Variants in LINGO1 observed in about 807,000 individuals in gnomAD.
The protein encoded by LINGO1 is leucine-rich repeat and immunoglobulin-like domain-containing nogo receptor-interacting protein 1.
In LINGO1, 11 loss-of-function variants were observed where a neutral mutation model predicts 37.3. The observed-to-expected ratio is 0.29, with a 90% CI of 0.19 to 0.49. LINGO1 has a LOEUF of 0.49. Ranked by LOEUF, LINGO1 falls within the 20% of genes least tolerant of loss-of-function variation. The pLI, the probability that LINGO1 is intolerant of heterozygous loss-of-function variation, is 0.99. For missense variants in LINGO1, 585 were observed against 878.2 expected (o/e 0.67, Z 4.22); for synonymous variants, 387 against 403.0 (o/e 0.96, Z 0.48).
chr15:77,814,756 G>A (rs2077034587), intron 1 of LINGO1, among the ~76,000 whole-genome samples: 1 of 152,228 alleles, frequency 6.6e-6, no homozygotes, highest in Non-Finnish European at 1.5e-5. Context: ...CAGGCCCTTT[G>A]GATTCACCAG....
At chr15:77,621,577 G>GT (rs2073921650) in intron 1 of LINGO1, among the ~76,000 whole-genome samples, 1 of 152,154 alleles carries the variant, frequency 6.6e-6, no homozygotes, top group African/African-American at 2.4e-5. Context: ...CAGGCCAGGG[G>GT]AGGGGCTGTC....
At chr15:77,662,909 A>G (rs2075029028) in intron 3 of LINGO1, among the ~76,000 whole-genome samples, 1 of 152,198 alleles carries the variant, frequency 6.6e-6, no homozygotes, top group Non-Finnish European at 1.5e-5. Context: ...GGAAAAAGAC[A>G]GGCACTGCAG....
intron 2 of LINGO1, among the ~76,000 whole-genome samples, chr15:77,718,986 C>T (rs1344449389): frequency 6.6e-6 from 1 of 150,624 alleles, no homozygotes; most frequent in Non-Finnish European, 1.5e-5. Flanking sequence ...CCGACAAGGC[C>T]TCAGTCTGTG....
chr15:77,641,731 GGA>G (rs2074510855), intron 3 of LINGO1: 1 of 400,548 alleles, frequency 2.5e-6, no homozygotes, highest in Non-Finnish European at 5.0e-6. Context: ...GGTGGTGCTG[GGA>G]GAGAGAAGAG....
chr15:77,657,042 C>T (rs1435470573), intron 3 of LINGO1, among the ~76,000 whole-genome samples: 1 of 152,218 alleles, frequency 6.6e-6, no homozygotes, highest in Non-Finnish European at 1.5e-5. Context: ...AGGGCAGCTC[C>T]TACCAGCTGT....
In LINGO1 at chr15:77,615,908, C is replaced by T. The variant is rs371641704; in HGVS notation, c.7-8G>A. ...CAGCATCCTCTTGCTCACCTGCAGC[C>T]GGGAGCAAGCACAGGACAGAGGTGG... On this transcript the variant is annotated splice_polypyrimidine_tract_variant and splice_region_variant and intron_variant, in intron 1 of 1. Transcript: ENST00000355300. 1.3e-4 allele frequency: 195 copies of T among 1,459,922 alleles called. 1 individual carries two copies. Among genetic ancestry groups the T allele is most frequent in the African/African-American group, 1.3e-3 (93 of 70,764 alleles). The allele number at this position is 1,459,922 out of a possible 1,614,324, so 90.4% of individuals were successfully genotyped here.
At chr15:77,766,509 G>A (rs28497073) in intron 1 of LINGO1, among the ~76,000 whole-genome samples, 6,681 of 152,108 alleles carry the variant, frequency 0.044, 508 homozygotes, top group African/African-American at 0.15. Context: ...ATCTCACCTC[G>A]AATTGTAATC....
At chr15:77,669,675 C>T (rs1276993318) in intron 3 of LINGO1, among the ~76,000 whole-genome samples, 1 of 152,212 alleles carries the variant, frequency 6.6e-6, no homozygotes. Context: ...TGTTCCTCTC[C>T]ATCACTGTTC....
At chr15:77,760,059 A>C (rs545869344) in intron 1 of LINGO1, among the ~76,000 whole-genome samples, 10 of 152,304 alleles carry the variant, frequency 6.6e-5, no homozygotes, top group African/African-American at 2.4e-4. Flanking sequence ...GATTCTAAGG[A>C]GGCGGCTTTT....
At chr15:77,778,483 T>G (rs1366037503) in intron 1 of LINGO1, among the ~76,000 whole-genome samples, 1 of 152,174 alleles carries the variant, frequency 6.6e-6, no homozygotes, top group Non-Finnish European at 1.5e-5. Flanking sequence ...AAACTTCACA[T>G]GACCACAGCT....
At chr15:77,671,140 A>G (rs531196447) in intron 3 of LINGO1, among the ~76,000 whole-genome samples, 2 of 142,722 alleles carry the variant, frequency 1.4e-5, no homozygotes, top group Non-Finnish European at 3.0e-5. Context: ...GGTGAGTACA[A>G]GGGAACAGCG....
chr15:77,692,795 A>T (rs2075626809), intron 1 of LINGO1, among the ~76,000 whole-genome samples: 1 of 152,224 alleles, frequency 6.6e-6, no homozygotes, highest in African/African-American at 2.4e-5. Flanking sequence ...GCAGTGCTCC[A>T]GCCGCCAGCA....
chr15:77,733,747 CCCT>C (rs969780162), intron 2 of LINGO1, among the ~76,000 whole-genome samples: 1 of 152,180 alleles, frequency 6.6e-6, no homozygotes, highest in Non-Finnish European at 1.5e-5. Context: ...CAATTAGCAA[CCCT>C]CCTCCACGCA....
upstream of LINGO1, among the ~76,000 whole-genome samples, chr15:77,634,018 C>T (rs1049175865): frequency 5.4e-5 from 8 of 148,320 alleles, no homozygotes; most frequent in African/African-American, 7.9e-5. Context: ...CTGGGAACAA[C>T]CCATTAGCAC....
intron 2 of LINGO1, among the ~76,000 whole-genome samples, chr15:77,722,317 C>A (rs2076058962): frequency 1.3e-5 from 2 of 152,210 alleles, no homozygotes; most frequent in African/African-American, 4.8e-5. Context: ...ACTAGACTGT[C>A]CCCCAACAAA....
intron 3 of LINGO1, among the ~76,000 whole-genome samples, chr15:77,654,870 T>G (rs188342264): frequency 6.6e-6 from 1 of 152,202 alleles, no homozygotes. Flanking sequence ...GACTCAATAC[T>G]TGGGCTCTGT....
intron 3 of LINGO1, chr15:77,646,302 G>A (rs74025342): frequency 0.079 from 27,793 of 352,904 alleles, 1,810 homozygotes; most frequent in African/African-American, 0.23. Flanking sequence ...ACAGAGCAGT[G>A]GGCGGGGAAC....
chr15:77,788,955 G>A (rs1386765863), upstream of LINGO1, among the ~76,000 whole-genome samples: 1 of 152,172 alleles, frequency 6.6e-6, no homozygotes, highest in Non-Finnish European at 1.5e-5. Context: ...ATCCCAGGCT[G>A]AAACTGGTCT....
chr15:77,630,069 G>T (rs895795605), intron 1 of LINGO1, among the ~76,000 whole-genome samples: 4 of 152,030 alleles, frequency 2.6e-5, no homozygotes, highest in Admixed American at 6.6e-5. Flanking sequence ...GGTGGGTGGG[G>T]CTGGAAGGCC....
Sources: allele counts gnomAD v4.1 joint callset (sites outside exome capture counted in the v4.1 genomes callset), GRCh38; gene constraint gnomAD v4.1.1; transcripts MANE v1.5; gene names NCBI Gene and HGNC (gene_info 2026-07-23, HGNC 2026-07-21).